Variants in AP2B1 observed in about 807,000 individuals in gnomAD.
AP2B1 encodes adaptor related protein complex 2 subunit beta 1, also known as AP-2 complex subunit beta.
Under a neutral mutation model 102.0 loss-of-function variants are expected in AP2B1, and 23 were observed. The ratio of observed to expected loss-of-function variants is 0.23; its 90% CI spans 0.16 to 0.32. The LOEUF is 0.32. AP2B1 is among the 10% of genes least tolerant of loss of function. The probability of loss-of-function intolerance (pLI) is 1.00; values close to 1 mark genes in which losing one functional copy is unlikely to be tolerated. For synonymous variants in AP2B1, 381 were observed against 421.2 expected, an observed-to-expected ratio of 0.90 and a Z score of 1.17; for missense variants, 541 against 1,157.4, an observed-to-expected ratio of 0.47 and a Z score of 7.73.
chr17:35,634,140 C>G (rs1366994887), intron 9 of AP2B1, among the ~76,000 whole-genome samples: 2 of 152,068 alleles, frequency 1.3e-5, no homozygotes, highest in Non-Finnish European at 2.9e-5. Flanking sequence ...GAGTAAGACT[C>G]TGTCTCAGGT....
rs1401152564 is a variant in AP2B1 at position 35,708,847 on chromosome 17, T to A, written c.2455-377T>A. ...TATCTGCGAAATGAGAGGGGAATGATATCTACTTTGTTTGAGATCATTATA... is the reference window on the plus strand; with the variant it reads ...TATCTGCGAAATGAGAGGGGAATGAAATCTACTTTGTTTGAGATCATTATA... On this transcript the variant is annotated intron_variant, in intron 18 of 21. Coordinates refer to ENST00000610402, the MANE Select transcript of AP2B1 (RefSeq NM_001030006.2). Among the ~76,000 whole-genome samples the A allele has an allele frequency of 2.6e-5, 4 of 152,326 alleles. No homozygotes were observed. The East Asian group carries it at 7.7e-4, about 29-fold the overall frequency.
intron 18 of AP2B1, among the ~76,000 whole-genome samples, chr17:35,689,798 G>A (rs1473763219): frequency 6.6e-6 from 1 of 152,092 alleles, no homozygotes; most frequent in Non-Finnish European, 1.5e-5. Flanking sequence ...TTACTAGATG[G>A]GACAGTGCAG....
intron 5 of AP2B1, among the ~76,000 whole-genome samples, chr17:35,611,252 A>C (rs940511413): frequency 6.6e-6 from 1 of 152,208 alleles, no homozygotes; most frequent in Non-Finnish European, 1.5e-5. Context: ...GCAACCGTCA[A>C]CCAGGTGGGC....
chr17:35,612,878 G>GCACACACACACACACACACACACACACA (rs777131172), intron 5 of AP2B1, among the ~76,000 whole-genome samples: 3 of 79,710 alleles, frequency 3.8e-5, no homozygotes, highest in African/African-American at 1.4e-4. Context: ...ATGTGTATGT[G>GCACACACACACACACACACACACACACA]CGCACACACA....
At chr17:35,704,400 A>C (rs1185537458) in intron 18 of AP2B1, among the ~76,000 whole-genome samples, 2 of 152,200 alleles carry the variant, frequency 1.3e-5, no homozygotes, top group African/African-American at 2.4e-5. Flanking sequence ...TCTGTTATGT[A>C]TATGAATGAT....
At chr17:35,716,047 T>C (rs2076545130) in intron 20 of AP2B1, among the ~76,000 whole-genome samples, 1 of 152,182 alleles carries the variant, frequency 6.6e-6, no homozygotes, top group South Asian at 2.1e-4. Flanking sequence ...ACCTGTTGTA[T>C]TGCAGATAAC....
intron 17 of AP2B1, among the ~76,000 whole-genome samples, chr17:35,676,406 CT>C (rs2075702723): frequency 6.6e-6 from 1 of 151,976 alleles, no homozygotes; most frequent in South Asian, 2.1e-4. Flanking sequence ...TATCTGGTTT[CT>C]TTCTATTAGC....
intron 20 of AP2B1, among the ~76,000 whole-genome samples, chr17:35,712,497 G>A (rs904898794): frequency 2.6e-5 from 4 of 151,996 alleles, no homozygotes; most frequent in Admixed American, 6.6e-5. Context: ...GCGTGGTGGC[G>A]GGCACCTGTG....
chr17:35,631,153 A>G (rs2142623332), intron 9 of AP2B1, among the ~76,000 whole-genome samples: 1 of 152,236 alleles, frequency 6.6e-6, no homozygotes, highest in Non-Finnish European at 1.5e-5. Flanking sequence ...GGAGTAAACA[A>G]ACTCCTGGTC....
At position 35,685,973 on chromosome 17, in the gene AP2B1, C is replaced by T. The variant is rs146309163; in HGVS notation, c.2454+3149C>T. Among the ~76,000 whole-genome samples the T allele has an allele frequency of 3.4e-3, 520 of 152,196 alleles. 5 individuals carry two copies. The highest frequency in any genetic ancestry group is 0.017 in the Middle Eastern group (5 of 294). On this transcript the variant is annotated intron_variant, in intron 18 of 21. Coordinates refer to ENST00000610402, the MANE Select transcript of AP2B1 (RefSeq NM_001030006.2). ...GACGGGGTTTCACCAATGTTAGCCA[C>T]GCTGGTTTCGAACTCCTGACCTCAG...
intron 2 of AP2B1, chr17:35,597,196 A>T: frequency 4.6e-6 from 2 of 439,418 alleles, no homozygotes; most frequent in South Asian, 4.6e-5. Flanking sequence ...ACAGTCTTGA[A>T]GGTGGAGGAA....
At chr17:35,672,214 A>T (rs1330372622) in intron 16 of AP2B1, among the ~76,000 whole-genome samples, 1 of 152,222 alleles carries the variant, frequency 6.6e-6, no homozygotes. Context: ...TATGTAGTGC[A>T]GCAGCAGGAG....
chr17:35,662,557 T>C lies in AP2B1; in HGVS notation c.1989+4766T>C, dbSNP rs1239757612. ...GTTTTTTTTTTTTTTTTTTTATGACTCTGGTACTTAATCTAAGAAACTGCT... is the reference window on the plus strand; with the variant it reads ...GTTTTTTTTTTTTTTTTTTTATGACCCTGGTACTTAATCTAAGAAACTGCT... On this transcript the variant is annotated intron_variant, in intron 14 of 21. Coordinates refer to ENST00000610402, the MANE Select transcript of AP2B1 (RefSeq NM_001030006.2). 1.1e-4 allele frequency among the ~76,000 whole-genome samples: 16 copies of C among 142,910 alleles called. No individual in the cohort carries two copies. In the Admixed American group the frequency reaches 1.2e-3, roughly 10 times the overall value. 93.8% of individuals were successfully genotyped at this position (142,910 alleles called of 152,430 possible).
intron 21 of AP2B1, among the ~76,000 whole-genome samples, chr17:35,718,701 T>G (rs2085261413): frequency 6.6e-6 from 1 of 151,752 alleles, no homozygotes; most frequent in Non-Finnish European, 1.5e-5. Context: ...AAAAAAAGGG[T>G]TGGGGGGAGA....
intron 21 of AP2B1, among the ~76,000 whole-genome samples, chr17:35,722,605 AC>A (rs1568069211): frequency 1.3e-5 from 2 of 151,858 alleles, no homozygotes; most frequent in Non-Finnish European, 2.9e-5. Flanking sequence ...AGATAGTCTC[AC>A]TTTTGCACTA....
intron 9 of AP2B1, 123 bp downstream of exon 9, chr17:35,627,849 AT>A: frequency 1.3e-6 from 1 of 765,832 alleles, no homozygotes; most frequent in Non-Finnish European, 2.0e-6. Context: ...ATGTTAAAGA[AT>A]TTTTAATGGA....
chr17:35,669,168 A>C (rs2075534081), intron 14 of AP2B1, among the ~76,000 whole-genome samples: 1 of 137,724 alleles, frequency 7.3e-6, no homozygotes, highest in African/African-American at 2.8e-5. Context: ...TCCGAGATGG[A>C]GTCTTGCTCT....
chr17:35,606,030 G>A (rs1266533655), intron 4 of AP2B1, among the ~76,000 whole-genome samples, 190 bp downstream of exon 4: 3 of 152,168 alleles, frequency 2.0e-5, no homozygotes, highest in Admixed American at 1.3e-4. Context: ...GGGGCTTGGT[G>A]CATCCTTGCC....
intron 16 of AP2B1, 74 bp from the exon 17 acceptor site, chr17:35,674,102 T>C (rs8064895): frequency 0.84 from 1,211,958 of 1,450,480 alleles, 508,280 homozygotes; most frequent in African/African-American, 0.97. Flanking sequence ...TTAATTTGTT[T>C]TTTATTTGTT....
Sources: allele counts gnomAD v4.1 joint callset (sites outside exome capture counted in the v4.1 genomes callset), GRCh38; gene constraint gnomAD v4.1.1; transcripts MANE v1.5; gene names NCBI Gene and HGNC (gene_info 2026-07-23, HGNC 2026-07-21).